GJC1: variants seen among roughly 807,000 people sequenced by gnomAD.
The protein encoded by GJC1 is gap junction protein gamma 1.
GJC1 carries 5 observed loss-of-function variants against 29.3 expected under a neutral mutation model. The ratio of observed to expected loss-of-function variants is 0.17; its 90% CI spans 0.09 to 0.36. The LOEUF (loss-of-function observed/expected upper bound fraction) is 0.36. Ranked by LOEUF, GJC1 falls within the 10% of genes least tolerant of loss-of-function variation. The probability of loss-of-function intolerance (pLI) is 1.00; values close to 1 mark genes in which losing one functional copy is unlikely to be tolerated. For synonymous variants in GJC1, 177 were observed against 183.3 expected (o/e 0.97, Z 0.28); for missense variants, 310 against 496.2 (o/e 0.62, Z 3.56).
chr17:44,812,233 G>A (rs1418585055), intron 1 of GJC1, among the ~76,000 whole-genome samples: 1 of 152,028 alleles, frequency 6.6e-6, no homozygotes, highest in Non-Finnish European at 1.5e-5. Context: ...GCTGAGGCAG[G>A]AGAATGGCTT....
In GJC1 at chr17:44,804,949, T is replaced by A; in HGVS notation, c.869A>T (p.Tyr290Phe). The change falls in exon 3 of 3, where the codon TAT (tyrosine) becomes TTT (phenylalanine). Residue 290 changes from tyrosine to phenylalanine, a missense_variant. This residue lies in a region of GJC1 where 146 missense variants were observed against 165.0 expected (regional missense o/e 0.88). Transcript: ENST00000592524. Reference sequence around the variant, plus strand: ...TTGATCTGGTTTGACAGCAATGTTATAGCCAGGGGGAGCAGATGGTGTATT... The same window carrying A: ...TTGATCTGGTTTGACAGCAATGTTAAAGCCAGGGGGAGCAGATGGTGTATT... ...TWNTPSAPPGYNIAVKPDQIQ... is the reference protein window; with the variant it reads ...TWNTPSAPPGFNIAVKPDQIQ... 6 of 1,614,150 alleles carry A rather than the reference T, an allele frequency of 3.7e-6. No homozygotes were observed. Among genetic ancestry groups the A allele is most frequent in the Non-Finnish European group, 5.1e-6 (6 of 1,179,998 alleles).
chr17:44,824,729 G>A (rs962383047), intron 1 of GJC1, among the ~76,000 whole-genome samples: 1 of 150,488 alleles, frequency 6.6e-6, no homozygotes, highest in African/African-American at 2.4e-5. Context: ...AGAATTGCTT[G>A]AACCTGGGAG....
At chr17:44,796,024 G>A (rs1463805438), downstream of GJC1, among the ~76,000 whole-genome samples, 7 of 152,228 alleles carry the variant, frequency 4.6e-5, no homozygotes, top group Non-Finnish European at 7.3e-5. Flanking sequence ...TGACTGCCCA[G>A]GCCAAACTCC....
chr17:44,805,319 G>A lies in GJC1; in HGVS notation c.499C>T (p.Arg167Trp), dbSNP rs771348171. The A allele has an allele frequency of 1.2e-5, 19 of 1,614,048 alleles. No individual in the cohort carries two copies. The highest frequency in any genetic ancestry group is 8.0e-5 in the African/African-American group (6 of 74,910). Reference sequence around the variant, plus strand: ...TTCATGAGCCCATCTTCCCGAATCCGTCGTCGGCCATCATGCTTAGGTTTG... The same window carrying A: ...TTCATGAGCCCATCTTCCCGAATCCATCGTCGGCCATCATGCTTAGGTTTG... The part of the protein sequence containing the change: ...QPKPKHDGRR[R>W]IREDGLMKIY... The change falls in exon 3 of 3, where the codon CGG (arginine) becomes TGG (tryptophan). Residue 167 changes from arginine to tryptophan, a missense_variant. This residue lies in a region of GJC1 where 45 missense variants were observed against 126.2 expected (regional missense o/e 0.36). Transcript: ENST00000592524. The surrounding 1 kb of genome is among the most constrained non-coding windows in gnomAD (Gnocchi z 5.1).
At chr17:44,827,414 A>G (rs1235132244) in intron 1 of GJC1, among the ~76,000 whole-genome samples, 2 of 152,218 alleles carry the variant, frequency 1.3e-5, no homozygotes, top group African/African-American at 4.8e-5. Context: ...CAGAAGCCAC[A>G]TGTATTTCTA....
At position 44,802,011 on chromosome 17, in the gene GJC1, G is replaced by A. The variant is rs1455382907; in HGVS notation, c.*2616C>T. On this transcript the variant is annotated 3_prime_UTR_variant, in exon 3 of 3. Coordinates refer to ENST00000592524, the MANE Select transcript of GJC1 (RefSeq NM_005497.4). ...ATGTACTAAGAAGGCAGTTAGAGCT[G>A]GAAAATTCTTGACATAATTACAACT... 6.6e-6 allele frequency: 1 copy of A among 152,094 alleles called. No homozygotes were observed. Among genetic ancestry groups the A allele is most frequent in the Non-Finnish European group, 1.5e-5 (1 of 68,024 alleles). 9.4% of individuals were successfully genotyped at this position (152,094 alleles called of 1,614,324 possible).
chr17:44,812,081 A>C (rs948172451), intron 1 of GJC1, among the ~76,000 whole-genome samples: 1 of 152,054 alleles, frequency 6.6e-6, no homozygotes, highest in Non-Finnish European at 1.5e-5. Flanking sequence ...TTGGGAGCCC[A>C]AGGCGGATGG....
upstream of GJC1, chr17:44,830,566 G>C (rs555238496): frequency 2.5e-6 from 1 of 398,294 alleles, no homozygotes; most frequent in East Asian, 3.6e-5. This position sits in a 1 kb window ranked among gnomAD's most constrained non-coding sequence, Gnocchi z 4.3. Context: ...GCTGATTTTC[G>C]GGCGAGAGTC....
chr17:44,822,716 C>T (rs1315741116), intron 1 of GJC1, among the ~76,000 whole-genome samples: 2 of 147,512 alleles, frequency 1.4e-5, no homozygotes, highest in East Asian at 2.0e-4. Context: ...AAATAGAGTA[C>T]ACTGAAGAAA....
intron 1 of GJC1, among the ~76,000 whole-genome samples, chr17:44,822,643 CAAAAAAAAAA>C (rs11423012): frequency 1.2e-5 from 1 of 80,268 alleles, no homozygotes; most frequent in Non-Finnish European, 2.3e-5. Flanking sequence ...AACTCCATCT[CAAAAAAAAAA>C]AAAAAAAAAA....
chr17:44,825,499 A>G (rs1022463272), intron 1 of GJC1, among the ~76,000 whole-genome samples: 3 of 152,066 alleles, frequency 2.0e-5, no homozygotes, highest in Admixed American at 6.6e-5. Context: ...AAAAATAAAA[A>G]GGGCCAGACA....
downstream of GJC1, among the ~76,000 whole-genome samples, chr17:44,796,695 T>C (rs2049785172): frequency 6.6e-6 from 1 of 152,132 alleles, no homozygotes. Context: ...TTTCTAACTA[T>C]GCAACAGTTT....
Position 44,802,536 on chromosome 17 carries a change from T to C in GJC1, c.*2091A>G, listed in dbSNP as rs1160762712. The C allele has an allele frequency of 6.6e-6, 1 of 152,190 alleles. No individual in the cohort carries two copies. Among genetic ancestry groups the C allele is most frequent in the African/African-American group, 2.4e-5 (1 of 41,440 alleles). The allele number at this position is 152,190 out of a possible 1,614,324, so 9.4% of individuals were successfully genotyped here. ...AAGGAAACTGTGCATGTCTATTAAT[T>C]ACCCATGAGGTACATGTGTATTTCT... On this transcript the variant is annotated 3_prime_UTR_variant, in exon 3 of 3. Coordinates refer to ENST00000592524, the MANE Select transcript of GJC1 (RefSeq NM_005497.4).
chr17:44,821,225 T>C (rs1003342660), intron 1 of GJC1, among the ~76,000 whole-genome samples: 17 of 152,224 alleles, frequency 1.1e-4, no homozygotes, highest in Non-Finnish European at 2.5e-4. Flanking sequence ...TAAGTGGAAC[T>C]GTCTTCATGC....
At position 44,804,932 on chromosome 17, in the gene GJC1, G is replaced by T. The variant is rs1173983986; in HGVS notation, c.886C>A (p.Pro296Thr). 1 of 1,614,126 alleles carries T rather than the reference G, an allele frequency of 6.2e-7. No homozygotes were observed. The highest frequency in any genetic ancestry group is 1.7e-5 in the Admixed American group (1 of 60,004). The change falls in exon 3 of 3, where the codon CCA (proline) becomes ACA (threonine). Residue 296 changes from proline (P) to threonine (T), a missense_variant. Physicochemically the swap from Pro to Thr is conservative, Grantham distance 38 (BLOSUM62 -1). Around this residue, in one of 4 missense-constraint regions of GJC1, gnomAD observed 146 missense variants for 165.0 expected, o/e 0.88. Transcript: ENST00000592524. ...APPGYNIAVK[P>T]DQIQYTELSN... ...AGTTCGGTGTACTGGATTTGATCTG[G>T]TTTGACAGCAATGTTATAGCCAGGG...
At chr17:44,806,490 C>T (rs2049915344) in intron 2 of GJC1, among the ~76,000 whole-genome samples, 1 of 150,808 alleles carries the variant, frequency 6.6e-6, no homozygotes, top group South Asian at 2.1e-4. Context: ...ACCTCCGCCT[C>T]CCAGGTTCAA....
chr17:44,796,140 T>C (rs1313335479), downstream of GJC1, among the ~76,000 whole-genome samples: 1 of 152,170 alleles, frequency 6.6e-6, no homozygotes, highest in Non-Finnish European at 1.5e-5. Context: ...GTCTAGGGAA[T>C]GGGGGCGAAG....
At chr17:44,815,439 A>G (rs1273852624) in intron 1 of GJC1, among the ~76,000 whole-genome samples, 7 of 152,174 alleles carry the variant, frequency 4.6e-5, no homozygotes, top group African/African-American at 7.2e-5. Context: ...GTAAATCTGC[A>G]TGGTTTTTGC....
chr17:44,800,473 C>T lies in GJC1; in HGVS notation c.*4154G>A, dbSNP rs2049830822. On this transcript the variant is annotated 3_prime_UTR_variant, in exon 3 of 3. Transcript: ENST00000592524. The stretch of plus-strand genomic sequence containing the variant: ...TATTAAACATTTGATTTGAAGGAAA[C>T]TGTGCATGTCTAACATACTTGCCTT... The T allele has an allele frequency of 6.6e-6, 1 of 152,158 alleles. No individual in the cohort carries two copies. Among genetic ancestry groups the T allele is most frequent in the Non-Finnish European group, 1.5e-5 (1 of 68,030 alleles). 9.4% of individuals were successfully genotyped at this position (152,158 alleles called of 1,614,324 possible). A position where few individuals can be genotyped will look rare whatever the true frequency, so the allele number is the denominator to read the frequency against.
Sources: allele counts gnomAD v4.1 joint callset (sites outside exome capture counted in the v4.1 genomes callset), GRCh38; gene constraint gnomAD v4.1.1; regional missense constraint gnomAD v4.1.1; non-coding constraint Gnocchi (gnomAD v3.1); transcripts MANE v1.5; gene names NCBI Gene and HGNC (gene_info 2026-07-23, HGNC 2026-07-21).